The following POM121C variants were observed in gnomAD, a reference collection of about 807,000 sequenced individuals.
POM121C encodes the protein nuclear envelope pore membrane protein POM 121C.
A neutral mutation model predicts 66.4 loss-of-function variants in POM121C; 20 were observed. That is an observed-to-expected ratio of 0.30 (90% confidence interval 0.21 to 0.44). The LOEUF (loss-of-function observed/expected upper bound fraction) is 0.44. Ranked by LOEUF, POM121C falls within the 20% of genes least tolerant of loss-of-function variation. The probability of loss-of-function intolerance (pLI) is 1.00; values close to 1 mark genes in which losing one functional copy is unlikely to be tolerated. For missense variants in POM121C, 580 were observed against 1,225.7 expected, an observed-to-expected ratio of 0.47 and a Z score of 7.87; for synonymous variants, 286 against 528.0, an observed-to-expected ratio of 0.54 and a Z score of 6.28.
chr7:75,434,993 G>A (rs1487025000), intron 7 of POM121C, among the ~76,000 whole-genome samples: 1 of 152,162 alleles, frequency 6.6e-6, no homozygotes, highest in Non-Finnish European at 1.5e-5. Context: ...ATGCTGAGTG[G>A]TACATGCCCT....
At position 75,485,962 on chromosome 7, in the gene POM121C, C is replaced by G; in HGVS notation, c.-556G>C. 2.0e-6 allele frequency: 1 copy of G among 498,792 alleles called. No homozygotes were observed. Among genetic ancestry groups the G allele is most frequent in the South Asian group, 1.4e-5 (1 of 69,114 alleles). 30.9% of individuals were successfully genotyped at this position (498,792 alleles called of 1,614,324 possible). ...GTCTGCTCGCGAGGTCCCCTCCTGTCCACCTCACCAAGGCTGTTCTGCTCC... is the reference window on the plus strand; with the variant it reads ...GTCTGCTCGCGAGGTCCCCTCCTGTGCACCTCACCAAGGCTGTTCTGCTCC... On this transcript the variant is annotated 5_prime_UTR_variant, in exon 1 of 15. Transcript: ENST00000615331.
intron 3 of POM121C, among the ~76,000 whole-genome samples, chr7:75,460,944 C>G (rs137898255): frequency 6.6e-6 from 1 of 152,252 alleles, no homozygotes; most frequent in Non-Finnish European, 1.5e-5. Context: ...AGACAAAATC[C>G]TCCTCTGCCC....
intron 3 of POM121C, among the ~76,000 whole-genome samples, chr7:75,458,503 G>C (rs1791327409): frequency 1.3e-5 from 2 of 151,680 alleles, no homozygotes; most frequent in Admixed American, 6.6e-5. Context: ...ACTCCAGCCA[G>C]GGCAACAGAG....
intron 6 of POM121C, among the ~76,000 whole-genome samples, chr7:75,438,567 C>T (rs1790507515): frequency 6.6e-6 from 1 of 152,184 alleles, no homozygotes; most frequent in African/African-American, 2.4e-5. Flanking sequence ...CATCCTCCCT[C>T]GCAGTGCAGT....
intron 3 of POM121C, among the ~76,000 whole-genome samples, chr7:75,449,880 T>A (rs2116444303): frequency 6.6e-6 from 1 of 152,144 alleles, no homozygotes; most frequent in East Asian, 1.9e-4. Flanking sequence ...CCAGGCGTGG[T>A]GGCAGGTGCC....
chr7:75,464,998 CTT>C (rs782029706), intron 3 of POM121C, among the ~76,000 whole-genome samples: 20 of 133,788 alleles, frequency 1.5e-4, no homozygotes, highest in Admixed American at 2.3e-4. Context: ...GTCTACAGTT[CTT>C]TTTTTTTTTT....
At chr7:75,426,890 A>G (rs1421320850) in intron 7 of POM121C, among the ~76,000 whole-genome samples, 1 of 151,052 alleles carries the variant, frequency 6.6e-6, no homozygotes, top group African/African-American at 2.4e-5. Context: ...AACTGCCAGT[A>G]TTAATTATGA....
In POM121C at chr7:75,433,850, T is replaced by C. The variant is rs587638441; in HGVS notation, c.480+3665A>G. On this transcript the variant is annotated intron_variant, in intron 7 of 14. Transcript: ENST00000615331. Reference sequence around the variant, plus strand: ...ACCAGCTCCCTGAAAAGATAACATGTAGATTGTTTCCAAGCTGCTGTTATT... The same window carrying C: ...ACCAGCTCCCTGAAAAGATAACATGCAGATTGTTTCCAAGCTGCTGTTATT... Among the ~76,000 whole-genome samples, 6 of 152,358 alleles carry C rather than the reference T, an allele frequency of 3.9e-5. No homozygotes were observed. In the South Asian group the frequency reaches 1.0e-3, roughly 26 times the overall value.
chr7:75,437,780 G>A, intron 6 of POM121C, 94 bp from the exon 7 acceptor site: 2 of 1,455,002 alleles, frequency 1.4e-6, no homozygotes, highest in African/African-American at 1.4e-5. Flanking sequence ...ATAACATGAA[G>A]GGAAGAGAAT....
intron 1 of POM121C, among the ~76,000 whole-genome samples, chr7:75,479,145 G>C (rs1284827812): frequency 6.6e-6 from 1 of 152,040 alleles, no homozygotes; most frequent in Non-Finnish European, 1.5e-5. Context: ...TAAAAGCAAA[G>C]ACACAATGAA....
chr7:75,485,990 A>G lies in POM121C; in HGVS notation c.-584T>C, dbSNP rs1356174537. On this transcript the variant is annotated 5_prime_UTR_variant, in exon 1 of 15. Transcript: ENST00000615331. The stretch of plus-strand genomic sequence containing the variant: ...CCTCACCAAGGCTGTTCTGCTCCCG[A>G]GGGGCCCGGGCCGGGCCTACGGGGC... 1 of 490,336 alleles carries G rather than the reference A, an allele frequency of 2.0e-6. No homozygotes were observed. Among genetic ancestry groups the G allele is most frequent in the Non-Finnish European group, 4.0e-6 (1 of 248,378 alleles). 30.4% of individuals were successfully genotyped at this position (490,336 alleles called of 1,614,324 possible).
chr7:75,442,745 T>C, intron 3 of POM121C: 6 of 1,339,580 alleles, frequency 4.5e-6, no homozygotes, highest in Non-Finnish European at 5.7e-6. Flanking sequence ...CGGAGGAGAC[T>C]TAAATATCCC....
rs782004307 is a variant in POM121C at position 75,433,234 on chromosome 7, CAAAAAA to C, written c.480+4275_480+4280del. 1.4e-4 allele frequency among the ~76,000 whole-genome samples: 6 copies of C among 44,254 alleles called. 1 individual carries two copies. The highest frequency in any genetic ancestry group is 1.1e-3 in the Admixed American group (3 of 2,660). 29.0% of individuals were successfully genotyped at this position (44,254 alleles called of 152,430 possible). On this transcript the variant is annotated intron_variant, in intron 7 of 14. Transcript: ENST00000615331. Reference sequence around the variant, plus strand: ...CCAGCGACAGTGTGAGACTCTGTCTCAAAAAAAAAAAAAAAAAAAAAAAAAAGAATG... The same window carrying C: ...CCAGCGACAGTGTGAGACTCTGTCTCAAAAAAAAAAAAAAAAAAAAGAATG...
chr7:75,461,696 C>A (rs1165958207), intron 3 of POM121C, among the ~76,000 whole-genome samples: 1 of 151,950 alleles, frequency 6.6e-6, no homozygotes, highest in Non-Finnish European at 1.5e-5. Flanking sequence ...CAGGTGTGAG[C>A]CACCATGCCC....
intron 3 of POM121C, among the ~76,000 whole-genome samples, chr7:75,452,865 G>GT (rs1791066399): frequency 6.6e-6 from 1 of 152,220 alleles, no homozygotes; most frequent in African/African-American, 2.4e-5. Flanking sequence ...GGTACCACCT[G>GT]TAAGTAAAAA....
chr7:75,474,229 AC>A (rs1340690834), intron 3 of POM121C, among the ~76,000 whole-genome samples: 1 of 152,034 alleles, frequency 6.6e-6, no homozygotes, highest in Admixed American at 6.6e-5. Context: ...CCCTGTCTCT[AC>A]TAAAAATACA....
intron 3 of POM121C, among the ~76,000 whole-genome samples, chr7:75,468,755 G>T (rs1359944409): frequency 1.3e-5 from 2 of 152,106 alleles, no homozygotes; most frequent in Admixed American, 1.3e-4. Flanking sequence ...GGTGCAGTGG[G>T]TCATGCCTAT....
chr7:75,486,044 C>T lies in POM121C; in HGVS notation c.-638G>A. Reference sequence around the variant, plus strand: ...TCCAGGCGGGTGTCCTTCTCGGGGCCCAGATCCGCCTCCCTGGGGCTCCCG... The same window carrying T: ...TCCAGGCGGGTGTCCTTCTCGGGGCTCAGATCCGCCTCCCTGGGGCTCCCG... On this transcript the variant is annotated 5_prime_UTR_variant, in exon 1 of 15. Coordinates refer to ENST00000615331, the MANE Select transcript of POM121C (RefSeq NM_001099415.3). The T allele has an allele frequency of 2.2e-6, 1 of 448,522 alleles. No individual in the cohort carries two copies. Among genetic ancestry groups the T allele is most frequent in the Non-Finnish European group, 4.4e-6 (1 of 226,970 alleles). The allele number at this position is 448,522 out of a possible 1,614,324, so 27.8% of individuals were successfully genotyped here.
intron 7 of POM121C, among the ~76,000 whole-genome samples, chr7:75,428,063 A>G (rs71560449): frequency 0.18 from 26,783 of 152,184 alleles, 2,696 homozygotes; most frequent in Middle Eastern, 0.29. Flanking sequence ...GATTGAATAT[A>G]TAAGCGGCAT....
Sources: allele counts gnomAD v4.1 joint callset (sites outside exome capture counted in the v4.1 genomes callset), GRCh38; gene constraint gnomAD v4.1.1; transcripts MANE v1.5; gene names NCBI Gene and HGNC (gene_info 2026-07-23, HGNC 2026-07-21).